CAMTA1: variants seen among roughly 807,000 people sequenced by gnomAD.
CAMTA1 encodes the protein calmodulin binding transcription activator 1.
CAMTA1 carries 27 observed loss-of-function variants against 170.9 expected under a neutral mutation model. That is an observed-to-expected ratio of 0.16 (90% confidence interval 0.12 to 0.22). The LOEUF is 0.22. CAMTA1 is among the 10% of genes least tolerant of loss of function. The probability of loss-of-function intolerance (pLI) is 1.00; values close to 1 mark genes in which losing one functional copy is unlikely to be tolerated. For missense variants in CAMTA1, 1,619 were observed against 2,217.2 expected (o/e 0.73, Z 5.42); for synonymous variants, 833 against 891.5 (o/e 0.93, Z 1.17).
intron 3 of CAMTA1, among the ~76,000 whole-genome samples, chr1:6,877,288 TTG>T (rs1670189515): frequency 6.6e-6 from 1 of 152,196 alleles, no homozygotes; most frequent in Non-Finnish European, 1.5e-5. Flanking sequence ...GAAGCTTTGG[TTG>T]TGCCCTAGAC....
intron 21 of CAMTA1, 77 bp from the exon 22 acceptor site, chr1:7,755,561 A>G: frequency 8.9e-7 from 1 of 1,120,156 alleles, no homozygotes; most frequent in Non-Finnish European, 1.3e-6. Context: ...TTTTTTGTTG[A>G]AATAAAGCTA....
chr1:7,769,608 T>G lies in CAMTA1; in HGVS notation c.*3117T>G, dbSNP rs2097044247. 6.5e-6 allele frequency: 1 copy of G among 152,790 alleles called. No homozygotes were observed. The highest frequency in any genetic ancestry group is 2.4e-5 in the African/African-American group (1 of 41,464). 9.5% of individuals were successfully genotyped at this position (152,790 alleles called of 1,614,324 possible). On this transcript the variant is annotated 3_prime_UTR_variant, in exon 23 of 23. Coordinates refer to ENST00000303635, the MANE Select transcript of CAMTA1 (RefSeq NM_015215.4). ...TGAAGAACTCAGCTGCTGGAAACCA[T>G]GCAAAATGTTTTGAATTGCCCTTAA...
At chr1:7,029,198 G>A (rs1268470211) in intron 3 of CAMTA1, among the ~76,000 whole-genome samples, 5 of 152,064 alleles carry the variant, frequency 3.3e-5, no homozygotes, top group Admixed American at 3.3e-4. Flanking sequence ...CATTATTTTT[G>A]TCACTATAAA....
chr1:6,786,101 G>C lies in CAMTA1; in HGVS notation c.45+526G>C, dbSNP rs1305201212. Among the ~76,000 whole-genome samples, 5 of 151,876 alleles carry C rather than the reference G, an allele frequency of 3.3e-5. No homozygotes were observed. In the East Asian group the frequency reaches 9.7e-4, roughly 30 times the overall value. ...CCTCGCCGGCCCCCTGCTCTCCGGC[G>C]GGCAGGGCCAGATGTACTCTCTCCG... On this transcript the variant is annotated intron_variant, in intron 1 of 22. Coordinates refer to ENST00000303635, the MANE Select transcript of CAMTA1 (RefSeq NM_015215.4).
chr1:7,271,384 A>T (rs1669775239), intron 5 of CAMTA1, among the ~76,000 whole-genome samples: 2 of 152,224 alleles, frequency 1.3e-5, no homozygotes, highest in African/African-American at 4.8e-5. Context: ...TGCTTAAGGC[A>T]TGCAAGATGT....
chr1:7,710,038 A>G (rs965440515), intron 11 of CAMTA1, among the ~76,000 whole-genome samples: 1 of 152,204 alleles, frequency 6.6e-6, no homozygotes, highest in African/African-American at 2.4e-5. Context: ...TTTCTGTGGT[A>G]TGTGTCTGTT....
intron 7 of CAMTA1, among the ~76,000 whole-genome samples, chr1:7,656,435 T>C (rs1017234375): frequency 1.3e-5 from 2 of 152,238 alleles, no homozygotes; most frequent in African/African-American, 2.4e-5. Context: ...CCTGCTGGGA[T>C]AGGGTCCCAC....
chr1:7,103,559 ATACACACAAC>A (rs1356055162), intron 4 of CAMTA1, among the ~76,000 whole-genome samples: 1 of 29,750 alleles, frequency 3.4e-5, no homozygotes, highest in East Asian at 1.2e-3. Context: ...CACTACACAC[ATACACACAAC>A]ACAACTACAC....
intron 12 of CAMTA1, among the ~76,000 whole-genome samples, chr1:7,733,585 C>T (rs2096749628): frequency 1.3e-5 from 2 of 152,048 alleles, no homozygotes; most frequent in Non-Finnish European, 1.5e-5. Flanking sequence ...TGGGAAGTCT[C>T]CCAGGGAGAA....
At chr1:6,852,474 G>C (rs188321364) in intron 3 of CAMTA1, among the ~76,000 whole-genome samples, 15 of 152,270 alleles carry the variant, frequency 9.9e-5, no homozygotes, top group Admixed American at 3.9e-4. Context: ...CCAGGTCTCC[G>C]ATATTTCTTA....
rs907305422 is a variant in CAMTA1, at chr1:7,695,384, G to A, written c.2914+17651G>A. On this transcript the variant is annotated intron_variant, in intron 11 of 22. Coordinates refer to ENST00000303635, the MANE Select transcript of CAMTA1 (RefSeq NM_015215.4). ...CTCAAAGACATCATTCCTCCCCGGC[G>A]TTCTCATTTTTTCATTCCCAGTAAC... is the stretch of plus-strand genomic sequence containing the variant. 3.3e-5 allele frequency among the ~76,000 whole-genome samples: 5 copies of A among 152,174 alleles called. No homozygotes were observed. In the East Asian group the frequency reaches 5.8e-4, roughly 18 times the overall value.
chr1:7,692,003 G>C (rs1161542351), intron 11 of CAMTA1, among the ~76,000 whole-genome samples: 2 of 151,768 alleles, frequency 1.3e-5, no homozygotes, highest in African/African-American at 4.8e-5. Context: ...GAGGGAAGGA[G>C]GGAGGTACAG....
At position 7,113,119 on chromosome 1, in the gene CAMTA1, T is replaced by A. The variant is rs1193542776; in HGVS notation, c.302+21748T>A. Reference sequence around the variant, plus strand: ...CACGAGAAGCAGCAACTTTCTGAAATGCAATGTGTGCAGATAAATTATTCA... The same window carrying A: ...CACGAGAAGCAGCAACTTTCTGAAAAGCAATGTGTGCAGATAAATTATTCA... On this transcript the variant is annotated intron_variant, in intron 4 of 22. Transcript: ENST00000303635. This position sits in a 1 kb window ranked among gnomAD's most constrained non-coding sequence, Gnocchi z 4.5. Among the ~76,000 whole-genome samples the A allele has an allele frequency of 6.6e-6, 1 of 152,258 alleles. No individual in the cohort carries two copies. Among genetic ancestry groups the A allele is most frequent in the Non-Finnish European group, 1.5e-5 (1 of 68,044 alleles).
chr1:7,304,108 G>A (rs1165277254), intron 5 of CAMTA1, among the ~76,000 whole-genome samples: 2 of 152,274 alleles, frequency 1.3e-5, no homozygotes, highest in East Asian at 3.9e-4. Context: ...CAGAGTTTCT[G>A]TTTGGGATGA....
chr1:7,043,332 T>C (rs956155454), intron 3 of CAMTA1, among the ~76,000 whole-genome samples: 2 of 150,096 alleles, frequency 1.3e-5, no homozygotes, highest in Non-Finnish European at 2.9e-5. Context: ...TTGTCTGCCT[T>C]ACCTTTCTGT....
At chr1:7,272,989 A>C (rs1670071223) in intron 5 of CAMTA1, among the ~76,000 whole-genome samples, 1 of 152,350 alleles carries the variant, frequency 6.6e-6, no homozygotes, top group Non-Finnish European at 1.5e-5. Flanking sequence ...TAGCCAATTA[A>C]CACACGAAAA....
chr1:7,761,271 T>C (rs938535011), intron 22 of CAMTA1, among the ~76,000 whole-genome samples: 2 of 152,200 alleles, frequency 1.3e-5, no homozygotes, highest in Non-Finnish European at 2.9e-5. Flanking sequence ...TGCAAGTTAC[T>C]GATAGGAGTC....
At chr1:7,686,829 C>G (rs1576871703) in intron 11 of CAMTA1, among the ~76,000 whole-genome samples, 1 of 152,038 alleles carries the variant, frequency 6.6e-6, no homozygotes, top group Non-Finnish European at 1.5e-5. Context: ...GTGAAGGGCT[C>G]TGCTGATGAT....
At chr1:7,762,070 T>C (rs1312028532) in intron 22 of CAMTA1, among the ~76,000 whole-genome samples, 1 of 152,208 alleles carries the variant, frequency 6.6e-6, no homozygotes, top group Non-Finnish European at 1.5e-5. Context: ...AAGGATTGCT[T>C]GAGCCCAGAA....
Sources: allele counts gnomAD v4.1 joint callset (sites outside exome capture counted in the v4.1 genomes callset), GRCh38; gene constraint gnomAD v4.1.1; non-coding constraint Gnocchi (gnomAD v3.1); transcripts MANE v1.5; gene names NCBI Gene and HGNC (gene_info 2026-07-23, HGNC 2026-07-21).